Variants in UCHL5 observed in about 807,000 individuals in gnomAD.
The protein encoded by UCHL5 is ubiquitin C-terminal hydrolase L5.
Under a neutral mutation model 53.8 loss-of-function variants are expected in UCHL5, and 34 were observed. That is an observed-to-expected ratio of 0.63 (90% CI 0.48 to 0.84). The LOEUF is 0.84. UCHL5 is among the 40% of genes least tolerant of loss of function. UCHL5 has a pLI of 0.00. For synonymous variants in UCHL5, 111 were observed against 126.3 expected (o/e 0.88, Z 0.81); for missense variants, 290 against 385.6 (o/e 0.75, Z 2.08).
chr1:193,029,298 A>G lies in UCHL5; in HGVS notation c.446T>C (p.Phe149Ser). The change falls in exon 6 of 11, where the codon TTT (phenylalanine) becomes TCT (serine). Residue 149 changes from phenylalanine to serine, a missense_variant. Phe to Ser is a radical substitution (Grantham distance 155, BLOSUM62 -2). Transcript: ENST00000367454. ...VHNSFARQQM[F>S]EFDTKTSAKE... ...TGCTGATGTCTTCGTATCAAATTCAAACATTTGCTGTCTACAGTAAATAAA... is the reference window on the plus strand; with the variant it reads ...TGCTGATGTCTTCGTATCAAATTCAGACATTTGCTGTCTACAGTAAATAAA... 1 of 1,613,770 alleles carries G rather than the reference A, an allele frequency of 6.2e-7. No individual in the cohort carries two copies. The highest frequency in any genetic ancestry group is 8.5e-7 in the Non-Finnish European group (1 of 1,179,802).
At chr1:193,058,271 G>T (rs1321710468) in intron 1 of UCHL5, among the ~76,000 whole-genome samples, 1 of 152,040 alleles carries the variant, frequency 6.6e-6, no homozygotes, top group Non-Finnish European at 1.5e-5. Context: ...CTGTGCCTGA[G>T]ATATAGAAGA....
In UCHL5 at chr1:193,052,839, T is replaced by C. The variant is rs115267584; in HGVS notation, c.77-1022A>G. 5.8e-3 allele frequency among the ~76,000 whole-genome samples: 881 copies of C among 152,316 alleles called. 3 individuals are homozygous for C. The highest frequency in any genetic ancestry group is 0.015 in the South Asian group (73 of 4,826). ...TGTCCTCTACATAAAGTGCAGCTAG[T>C]ATGTGCCAGAAACCTAATTAAAACC... On this transcript the variant is annotated intron_variant, in intron 1 of 10. Coordinates refer to ENST00000367454, the MANE Select transcript of UCHL5 (RefSeq NM_001199261.3).
In UCHL5 at chr1:193,059,129, C is replaced by T. The variant is rs1671920689; in HGVS notation, c.76+56G>A. The T allele has an allele frequency of 6.8e-7, 1 of 1,475,656 alleles. No individual in the cohort carries two copies. The allele number at this position is 1,475,656 out of a possible 1,614,324, so 91.4% of individuals were successfully genotyped here. A position where few individuals can be genotyped will look rare whatever the true frequency, so the allele number is the denominator to read the frequency against. On this transcript the variant is annotated intron_variant, in intron 1 of 10. Coordinates refer to ENST00000367454, the MANE Select transcript of UCHL5 (RefSeq NM_001199261.3). This position sits in a 1 kb window ranked among gnomAD's most constrained non-coding sequence, Gnocchi z 4.9. The stretch of plus-strand genomic sequence containing the variant: ...GTGGCCGCAGGGAACCACTCCATGC[C>T]CAGCTTGGGCCTCCTCCCGTGACCC...
chr1:193,021,385 A>G (rs919525893), intron 9 of UCHL5, among the ~76,000 whole-genome samples, 190 bp from the exon 10 acceptor site: 7 of 152,184 alleles, frequency 4.6e-5, no homozygotes, highest in Admixed American at 1.3e-4. Context: ...TTTCTTGGGC[A>G]AGGGCCTCCT....
intron 3 of UCHL5, among the ~76,000 whole-genome samples, chr1:193,030,658 T>G (rs1047066668): frequency 1.3e-5 from 2 of 152,238 alleles, no homozygotes; most frequent in African/African-American, 4.8e-5. Flanking sequence ...TACAGTATTA[T>G]GTTACTATAT....
chr1:193,020,384 G>C, intron 10 of UCHL5: 1 of 1,547,992 alleles, frequency 6.5e-7, no homozygotes, highest in Middle Eastern at 1.7e-4. Context: ...TTCTCAAACT[G>C]TGGTACACAG....
In UCHL5 at chr1:193,021,606, G is replaced by T. The variant is rs183631733; in HGVS notation, c.844-411C>A. Among the ~76,000 whole-genome samples the T allele has an allele frequency of 1.9e-3, 291 of 152,268 alleles. 1 individual carries two copies. Among genetic ancestry groups the T allele is most frequent in the African/African-American group, 6.6e-3 (276 of 41,568 alleles). ...TCAGATTATTTTTTATCGAAAGGGG[G>T]TACACTGCAGGAAAAAATTTCTACT... On this transcript the variant is annotated intron_variant, in intron 9 of 10. Coordinates refer to ENST00000367454, the MANE Select transcript of UCHL5 (RefSeq NM_001199261.3).
intron 10 of UCHL5, chr1:193,020,303 C>T: frequency 6.5e-7 from 1 of 1,541,746 alleles, no homozygotes; most frequent in Non-Finnish European, 8.8e-7. Flanking sequence ...GAAAATATAC[C>T]TACCATGTAT....
Position 193,016,450 on chromosome 1 carries a change from T to C in UCHL5, c.943-55A>G, listed in dbSNP as rs1654931160. The C allele has an allele frequency of 4.6e-6, 7 of 1,525,396 alleles. No individual in the cohort carries two copies. In the Admixed American group the frequency reaches 9.6e-5, roughly 21 times the overall value. 94.5% of individuals were successfully genotyped at this position (1,525,396 alleles called of 1,614,324 possible). A position where few individuals can be genotyped will look rare whatever the true frequency, so the allele number is the denominator to read the frequency against. On this transcript the variant is annotated intron_variant, in intron 10 of 10. Coordinates refer to ENST00000367454, the MANE Select transcript of UCHL5 (RefSeq NM_001199261.3). The stretch of plus-strand genomic sequence containing the variant: ...TTTTAAAAGTCAGTTTTAGACTATA[T>C]TAGAATAAAATGTGCCTAAGAGGGT...
At chr1:193,043,151 TA>T (rs200951342) in intron 3 of UCHL5, among the ~76,000 whole-genome samples, 10,382 of 36,318 alleles carry the variant, frequency 0.29, 1,346 homozygotes, top group East Asian at 0.64. Flanking sequence ...TCTTGAATAT[TA>T]AAAAAAAAAA....
At chr1:193,022,896 C>T (rs1657660992) in intron 9 of UCHL5, 30 bp downstream of exon 9, 2 of 1,491,192 alleles carry the variant, frequency 1.3e-6, no homozygotes, top group Non-Finnish European at 1.9e-6. Context: ...TATATTAAAA[C>T]ATTAAAGGAA....
intron 3 of UCHL5, among the ~76,000 whole-genome samples, chr1:193,036,317 C>CAAAAAAAAAAAAA (rs960496083): frequency 7.9e-5 from 4 of 50,796 alleles, no homozygotes; most frequent in East Asian, 6.6e-4. Context: ...AACTGGAAAC[C>CAAAAAAAAAAAAA]AAAAAAAAAA....
intron 3 of UCHL5, among the ~76,000 whole-genome samples, chr1:193,045,171 G>A (rs1571835844): frequency 1.3e-5 from 2 of 152,026 alleles, no homozygotes; most frequent in South Asian, 4.1e-4. Flanking sequence ...TGAACGGTTC[G>A]GTCTGCATTT....
intron 3 of UCHL5, among the ~76,000 whole-genome samples, chr1:193,038,739 T>C (rs977180214): frequency 3.3e-5 from 5 of 152,170 alleles, no homozygotes; most frequent in African/African-American, 1.2e-4. Flanking sequence ...CTCACACCTG[T>C]AATCTCAGCA....
At chr1:193,029,820 C>G (rs950334595) in intron 3 of UCHL5, among the ~76,000 whole-genome samples, 163 bp from the exon 4 acceptor site, 1 of 152,094 alleles carries the variant, frequency 6.6e-6, no homozygotes. Flanking sequence ...AATCTATTTT[C>G]AGAAATTTGC....
chr1:193,052,184 G>A (rs1199044110), intron 1 of UCHL5, among the ~76,000 whole-genome samples: 1 of 151,170 alleles, frequency 6.6e-6, no homozygotes, highest in African/African-American at 2.4e-5. Flanking sequence ...TTTTTTCTGG[G>A]AAAGTAAATA....
intron 3 of UCHL5, among the ~76,000 whole-genome samples, chr1:193,043,157 A>AAAAAAAAAAAAAAAAAAAAAAAAT (rs1666205196): frequency 7.2e-6 from 1 of 139,784 alleles, no homozygotes; most frequent in Non-Finnish European, 1.5e-5. Flanking sequence ...ATATTAAAAA[A>AAAAAAAAAAAAAAAAAAAAAAAAT]AAAAAAAAAA....
chr1:193,037,739 A>G (rs1291145093), intron 3 of UCHL5, among the ~76,000 whole-genome samples: 5 of 152,104 alleles, frequency 3.3e-5, no homozygotes, highest in Non-Finnish European at 7.4e-5. Flanking sequence ...ATAGTAACAA[A>G]CCAAATTCAA....
At chr1:193,027,973 G>GAAA in intron 7 of UCHL5, 112 bp downstream of exon 7, 1 of 1,369,418 alleles carries the variant, frequency 7.3e-7, no homozygotes, top group Non-Finnish European at 9.6e-7. Context: ...AAATTAAAAA[G>GAAA]AAAAAAAAAA....
Sources: allele counts gnomAD v4.1 joint callset (sites outside exome capture counted in the v4.1 genomes callset), GRCh38; gene constraint gnomAD v4.1.1; non-coding constraint Gnocchi (gnomAD v3.1); transcripts MANE v1.5; gene names NCBI Gene and HGNC (gene_info 2026-07-23, HGNC 2026-07-21).